The following JMJD1C variants were observed in gnomAD, a reference collection of about 807,000 sequenced individuals.
JMJD1C encodes jumonji domain-containing protein 1C.
JMJD1C carries 31 observed loss-of-function variants against 245.3 expected under a neutral mutation model. The observed-to-expected ratio is 0.13, with a 90% confidence interval of 0.09 to 0.17. The LOEUF (loss-of-function observed/expected upper bound fraction) is 0.17. Ranked by LOEUF, JMJD1C falls within the 10% of genes least tolerant of loss-of-function variation. JMJD1C has a pLI of 1.00. For synonymous variants in JMJD1C, 1,057 were observed against 1,017.4 expected, an observed-to-expected ratio of 1.04 and a Z score of -0.74; for missense variants, 2,691 against 3,000.2, an observed-to-expected ratio of 0.90 and a Z score of 2.41.
chr10:63,475,372 T>A (rs1209233921), intron 1 of JMJD1C, among the ~76,000 whole-genome samples: 1 of 152,250 alleles, frequency 6.6e-6, no homozygotes, highest in Non-Finnish European at 1.5e-5. Flanking sequence ...ATGTTTTACT[T>A]AGTAAGGAAG....
intron 2 of JMJD1C, among the ~76,000 whole-genome samples, chr10:63,371,072 G>A (rs1946276094): frequency 6.6e-6 from 1 of 152,036 alleles, no homozygotes; most frequent in Admixed American, 6.6e-5. Flanking sequence ...TGTACTCCTG[G>A]AGTCAAGCAA....
At chr10:63,324,520 A>G (rs1941298427) in intron 2 of JMJD1C, among the ~76,000 whole-genome samples, 1 of 152,182 alleles carries the variant, frequency 6.6e-6, no homozygotes, top group African/African-American at 2.4e-5. Flanking sequence ...TATTGACTAC[A>G]ACTTATAAAC....
At chr10:63,444,225 A>G (rs568333009) in intron 1 of JMJD1C, among the ~76,000 whole-genome samples, 1 of 152,322 alleles carries the variant, frequency 6.6e-6, no homozygotes, top group South Asian at 2.1e-4. Flanking sequence ...GATGCATCTC[A>G]AAGAATTAAA....
chr10:63,291,969 G>C (rs920228166), intron 2 of JMJD1C, among the ~76,000 whole-genome samples: 1 of 151,854 alleles, frequency 6.6e-6, no homozygotes, highest in African/African-American at 2.4e-5. Flanking sequence ...GTGTGTATTT[G>C]AGACAGGGTC....
At chr10:63,385,437 TTTTTTTGC>T (rs1179705670) in intron 1 of JMJD1C, among the ~76,000 whole-genome samples, 2 of 128,798 alleles carry the variant, frequency 1.6e-5, no homozygotes, top group Non-Finnish European at 3.3e-5. Context: ...TTTTTTTTTT[TTTTTTTGC>T]TTTTTTTTAA....
intron 3 of JMJD1C, among the ~76,000 whole-genome samples, chr10:63,247,102 CA>C (rs200646094): frequency 8.9e-4 from 54 of 60,984 alleles, no homozygotes; most frequent in Non-Finnish European, 1.3e-3. Flanking sequence ...TAAACTGAGA[CA>C]AAAAAAACAA....
chr10:63,256,962 C>T (rs1279775674), intron 3 of JMJD1C, among the ~76,000 whole-genome samples: 1 of 152,080 alleles, frequency 6.6e-6, no homozygotes, highest in Non-Finnish European at 1.5e-5. Flanking sequence ...TAGCCAGGCG[C>T]AGTGGCTTAC....
At chr10:63,357,935 C>G (rs1272632938) in intron 2 of JMJD1C, among the ~76,000 whole-genome samples, 2 of 83,184 alleles carry the variant, frequency 2.4e-5, no homozygotes, top group Non-Finnish European at 4.7e-5. Flanking sequence ...CTGCCAGCCC[C>G]CAAGAACTAA....
At chr10:63,170,387 C>A (rs1842235930) in intron 24 of JMJD1C, among the ~76,000 whole-genome samples, 1 of 152,164 alleles carries the variant, frequency 6.6e-6, no homozygotes, top group South Asian at 2.1e-4. Flanking sequence ...TCTCTCCCTG[C>A]CTCAGGGTTT....
Position 63,465,534 on chromosome 10 carries a change from T to C in JMJD1C, c.129A>G (p.Arg43=), listed in dbSNP as rs764526201. The stretch of plus-strand genomic sequence containing the variant: ...TGCGGCTGTCCCTGTGTGACACGGC[T>C]CGGATGACCCCCGCTCGCCAGCTTC... The part of the protein sequence containing the change: ...GWRSWRAGVI[R]AVSHRDSRNP... Residue 43 remains arginine, a synonymous_variant, in exon 1 of 26, where the codon CGA becomes CGG. Coordinates refer to ENST00000399262, the MANE Select transcript of JMJD1C (RefSeq NM_032776.3). 3 of 1,605,252 alleles carry C rather than the reference T, an allele frequency of 1.9e-6. No individual in the cohort carries two copies. The South Asian group carries it at 3.3e-5, about 18-fold the overall frequency.
intron 1 of JMJD1C, among the ~76,000 whole-genome samples, chr10:63,446,095 G>C (rs1440537976): frequency 1.3e-5 from 2 of 151,754 alleles, no homozygotes; most frequent in African/African-American, 2.4e-5. Context: ...GGCTGGTCTT[G>C]AACTCCTAGA....
In JMJD1C at chr10:63,189,165, C is replaced by A. The variant is rs76935733; in HGVS notation, c.6570+3G>T. ...GTGTTCTTTATCAGCCTAAAATACA[C>A]ACCTGTCCTTGTTTCCAACATTCTT... On this transcript the variant is annotated splice_donor_region_variant and intron_variant, in intron 18 of 25. Transcript: ENST00000399262. The A allele has an allele frequency of 3.1e-6, 5 of 1,602,454 alleles. No individual in the cohort carries two copies. The highest frequency in any genetic ancestry group is 4.3e-6 in the Non-Finnish European group (5 of 1,174,848).
At chr10:63,468,290 T>C (rs1409786421), upstream of JMJD1C, among the ~76,000 whole-genome samples, 2 of 152,224 alleles carry the variant, frequency 1.3e-5, no homozygotes, top group Admixed American at 1.3e-4. Flanking sequence ...TGTGGATATT[T>C]TGCTGTTGGA....
intron 1 of JMJD1C, among the ~76,000 whole-genome samples, chr10:63,455,292 T>A (rs971113278): frequency 6.6e-6 from 1 of 152,204 alleles, no homozygotes; most frequent in African/African-American, 2.4e-5. Context: ...TATCTGGGTA[T>A]GAGGTCTAGA....
chr10:63,181,154 C>T (rs1234316483), intron 22 of JMJD1C, among the ~76,000 whole-genome samples: 2 of 152,164 alleles, frequency 1.3e-5, no homozygotes, highest in African/African-American at 4.8e-5. Flanking sequence ...GCATGAGCCA[C>T]CGTGCCTGGC....
intron 15 of JMJD1C, 87 bp downstream of exon 15, chr10:63,193,258 T>C (rs966971706): frequency 2.7e-6 from 4 of 1,478,724 alleles, no homozygotes; most frequent in Non-Finnish European, 3.7e-6. Flanking sequence ...AATTCATACA[T>C]AAGTCCTAAA....
intron 17 of JMJD1C, 30 bp downstream of exon 17, chr10:63,190,864 C>T (rs776740255): frequency 1.4e-5 from 22 of 1,588,544 alleles, no homozygotes; most frequent in South Asian, 2.2e-5. Flanking sequence ...TTAAGGCCCA[C>T]ATTAAAACCA....
chr10:63,246,984 A>C (rs1852289676), intron 3 of JMJD1C, among the ~76,000 whole-genome samples: 1 of 152,070 alleles, frequency 6.6e-6, no homozygotes, highest in African/African-American at 2.4e-5. Flanking sequence ...ATATTTAAAA[A>C]GTAGACTTCA....
intron 2 of JMJD1C, among the ~76,000 whole-genome samples, chr10:63,271,327 C>T (rs1429478263): frequency 6.6e-6 from 1 of 151,822 alleles, no homozygotes; most frequent in Non-Finnish European, 1.5e-5. Flanking sequence ...TAGACACGCG[C>T]CACCGTGCCC....
Sources: allele counts gnomAD v4.1 joint callset (sites outside exome capture counted in the v4.1 genomes callset), GRCh38; gene constraint gnomAD v4.1.1; transcripts MANE v1.5; gene names NCBI Gene and HGNC (gene_info 2026-07-23, HGNC 2026-07-21).